The following PAK1 variants were observed in gnomAD, a reference collection of about 807,000 sequenced individuals.
The protein encoded by PAK1 is serine/threonine-protein kinase PAK 1.
Under a neutral mutation model 67.4 loss-of-function variants are expected in PAK1, and 29 were observed. The observed-to-expected ratio is 0.43, with a 90% CI of 0.32 to 0.59. The LOEUF (loss-of-function observed/expected upper bound fraction) is 0.59. Among genes scored for constraint, PAK1 ranks in the 20% least tolerant of loss-of-function variants. The pLI is 0.07. For missense variants in PAK1, 337 were observed against 670.7 expected (o/e 0.50, Z 5.50); for synonymous variants, 223 against 237.4 (o/e 0.94, Z 0.56).
chr11:77,489,601 G>C, the PAK1 span, among the ~76,000 whole-genome samples: 2 of 152,146 alleles, frequency 1.3e-5, no homozygotes, highest in Admixed American at 6.5e-5. Context: ...GGCGCGCGCC[G>C]CCACGCCTGA....
At chr11:77,490,427 C>T in the PAK1 span, among the ~76,000 whole-genome samples, 1 of 150,212 alleles carries the variant, frequency 6.7e-6, no homozygotes, top group Non-Finnish European at 1.5e-5. Flanking sequence ...GCCCCTCTGC[C>T]CGGCCAGCCG....
chr11:77,372,696 C>G (rs551463926), intron 5 of PAK1, among the ~76,000 whole-genome samples: 2 of 152,294 alleles, frequency 1.3e-5, no homozygotes, highest in South Asian at 2.1e-4. Context: ...CATCACCCAC[C>G]TCTACTTCCT....
At chr11:77,500,604 G>A in the PAK1 span, among the ~76,000 whole-genome samples, 1 of 152,124 alleles carries the variant, frequency 6.6e-6, no homozygotes, top group Non-Finnish European at 1.5e-5. Context: ...TCAGCACTTT[G>A]GGAAGCCGAG....
At chr11:77,355,997 G>A in intron 6 of PAK1, 155 bp from the exon 7 acceptor site, 2 of 578,250 alleles carry the variant, frequency 3.5e-6, no homozygotes, top group Non-Finnish European at 6.1e-6. Flanking sequence ...CTGTGCCCAG[G>A]CCCACCCATT....
intron 1 of PAK1, among the ~76,000 whole-genome samples, chr11:77,469,710 G>C (rs576195042): frequency 6.7e-6 from 1 of 150,282 alleles, no homozygotes; most frequent in Non-Finnish European, 1.5e-5. Flanking sequence ...TTTAATAATG[G>C]GCATAGAAAA....
intron 1 of PAK1, among the ~76,000 whole-genome samples, chr11:77,432,533 C>T (rs1417290535): frequency 1.3e-5 from 2 of 152,080 alleles, no homozygotes; most frequent in African/African-American, 4.8e-5. Context: ...TGGCATGCAC[C>T]TGTAGTCTCA....
the PAK1 span, among the ~76,000 whole-genome samples, chr11:77,484,230 A>G: frequency 1.3e-5 from 2 of 152,018 alleles, no homozygotes; most frequent in Admixed American, 6.5e-5. Flanking sequence ...AAAAAAAAAA[A>G]AGGAAAGCTG....
chr11:77,451,409 C>T (rs902081299), intron 1 of PAK1, among the ~76,000 whole-genome samples: 6 of 152,166 alleles, frequency 3.9e-5, no homozygotes, highest in African/African-American at 1.4e-4. Context: ...GATCCTATTA[C>T]CATTACATCA....
chr11:77,480,376 A>C, the PAK1 span, among the ~76,000 whole-genome samples: 3 of 152,154 alleles, frequency 2.0e-5, no homozygotes, highest in African/African-American at 7.2e-5. Flanking sequence ...TACATAAATT[A>C]GGAGATACAA....
chr11:77,506,881 A>C, the PAK1 span, among the ~76,000 whole-genome samples: 1 of 152,026 alleles, frequency 6.6e-6, no homozygotes, highest in African/African-American at 2.4e-5. Context: ...AAGGGATAAA[A>C]ACAGTGAGAT....
At chr11:77,513,829 G>A in the PAK1 span, among the ~76,000 whole-genome samples, 18 of 152,158 alleles carry the variant, frequency 1.2e-4, no homozygotes, top group East Asian at 1.2e-3. Flanking sequence ...CTTAGCTCAC[G>A]GTTAAGAATG....
At chr11:77,472,093 A>C (rs938403504) in intron 1 of PAK1, among the ~76,000 whole-genome samples, 1 of 152,188 alleles carries the variant, frequency 6.6e-6, no homozygotes, top group Non-Finnish European at 1.5e-5. Context: ...ATCTTAATAG[A>C]CTGAATCCCC....
chr11:77,364,999 A>G (rs1947301351), intron 5 of PAK1, among the ~76,000 whole-genome samples: 1 of 152,194 alleles, frequency 6.6e-6, no homozygotes, highest in Admixed American at 6.5e-5. Flanking sequence ...CTGTAATCCT[A>G]GCACTTTGGG....
At chr11:77,425,931 C>T (rs1396034883) in intron 1 of PAK1, among the ~76,000 whole-genome samples, 1 of 151,958 alleles carries the variant, frequency 6.6e-6, no homozygotes, top group Admixed American at 6.6e-5. Flanking sequence ...ATCACATAGC[C>T]TGGGTGACAG....
chr11:77,480,947 G>A, the PAK1 span, among the ~76,000 whole-genome samples: 2 of 152,178 alleles, frequency 1.3e-5, no homozygotes, highest in Non-Finnish European at 2.9e-5. Flanking sequence ...ATTACCTGGT[G>A]TATAATACAT....
chr11:77,376,406 T>C (rs986276737), intron 4 of PAK1, among the ~76,000 whole-genome samples: 12 of 152,186 alleles, frequency 7.9e-5, no homozygotes, highest in Non-Finnish European at 2.9e-5. Flanking sequence ...GTCAATCTAG[T>C]CTACTTTTTC....
chr11:77,333,069 G>A (rs1941986403), intron 13 of PAK1, among the ~76,000 whole-genome samples: 1 of 152,020 alleles, frequency 6.6e-6, no homozygotes, highest in South Asian at 2.1e-4. Flanking sequence ...TTCCCTGTCT[G>A]TAAAGTAGGG....
chr11:77,424,068 G>A (rs183120990), intron 1 of PAK1, among the ~76,000 whole-genome samples: 1 of 152,302 alleles, frequency 6.6e-6, no homozygotes, highest in East Asian at 1.9e-4. Flanking sequence ...AAGTTACACT[G>A]CAGAACTAGT....
Position 77,322,906 on chromosome 11 carries a change from T to C in PAK1, c.*368A>G. 6 of 561,060 alleles carry C rather than the reference T, an allele frequency of 1.1e-5. No homozygotes were observed. The highest frequency in any genetic ancestry group is 1.9e-5 in the Non-Finnish European group (6 of 318,508). 34.8% of individuals were successfully genotyped at this position (561,060 alleles called of 1,614,324 possible). ...CTCAATTGATTACAAATTGATAATA[T>C]TATCAAACCATAAATTTATATAGTC... On this transcript the variant is annotated 3_prime_UTR_variant, in exon 15 of 15. Transcript: ENST00000356341.
Sources: allele counts gnomAD v4.1 joint callset (sites outside exome capture counted in the v4.1 genomes callset), GRCh38; gene constraint gnomAD v4.1.1; transcripts MANE v1.5; gene names NCBI Gene and HGNC (gene_info 2026-07-23, HGNC 2026-07-21).